Variants in DPF3 observed in about 807,000 individuals in gnomAD.
The protein encoded by DPF3 is zinc finger protein DPF3.
In DPF3, 18 loss-of-function variants were observed where a neutral mutation model predicts 56.8. That is an observed-to-expected ratio of 0.32 (90% CI 0.22 to 0.47). DPF3 has a LOEUF of 0.47. DPF3 is among the 20% of genes least tolerant of loss of function. DPF3 has a pLI of 1.00. For synonymous variants in DPF3, 188 were observed against 180.2 expected, an observed-to-expected ratio of 1.04 and a Z score of -0.35; for missense variants, 403 against 488.8, an observed-to-expected ratio of 0.82 and a Z score of 1.65.
chr14:72,786,764 TTAA>T (rs1009347837), intron 1 of DPF3, among the ~76,000 whole-genome samples: 2 of 152,200 alleles, frequency 1.3e-5, no homozygotes, highest in African/African-American at 2.4e-5. Flanking sequence ...ATAAATACAG[TTAA>T]TAATAAGGAA....
At chr14:72,742,283 A>C (rs1890155230) in intron 3 of DPF3, among the ~76,000 whole-genome samples, 1 of 152,258 alleles carries the variant, frequency 6.6e-6, no homozygotes, top group South Asian at 2.1e-4. Context: ...GAAGGCATCC[A>C]TTCTCCCAGC....
At chr14:72,756,822 C>CAGAAAGAAAGAAAGAA (rs71109746) in intron 2 of DPF3, among the ~76,000 whole-genome samples, 24 of 70,060 alleles carry the variant, frequency 3.4e-4, no homozygotes, top group African/African-American at 6.8e-4. Context: ...GAAAGAAAGA[C>CAGAAAGAAAGAAAGAA]AGAAAGAAAG....
intron 8 of DPF3, among the ~76,000 whole-genome samples, chr14:72,633,363 T>G (rs572325035): frequency 1.4e-3 from 209 of 151,792 alleles, no homozygotes; most frequent in African/African-American, 4.7e-3. Flanking sequence ...GAAAAGGGAA[T>G]GAGGAAGTAT....
At chr14:72,846,941 A>C (rs1162036715) in intron 1 of DPF3, among the ~76,000 whole-genome samples, 1 of 152,114 alleles carries the variant, frequency 6.6e-6, no homozygotes, top group African/African-American at 2.4e-5. Flanking sequence ...TTTTCAAAAC[A>C]CCAGCCCCTT....
intron 5 of DPF3, among the ~76,000 whole-genome samples, chr14:72,722,387 G>A (rs1462432245): frequency 2.6e-5 from 4 of 152,202 alleles, no homozygotes; most frequent in South Asian, 2.1e-4. Context: ...AGTGTGTGCC[G>A]CGCTGGCCGA....
chr14:72,644,303 C>A (rs1885649015), intron 8 of DPF3, among the ~76,000 whole-genome samples: 1 of 152,226 alleles, frequency 6.6e-6, no homozygotes, highest in African/African-American at 2.4e-5. Flanking sequence ...CGGGTCTGCA[C>A]TCCTCCTGTA....
chr14:72,812,632 C>T (rs572321864), intron 1 of DPF3, among the ~76,000 whole-genome samples: 7 of 152,026 alleles, frequency 4.6e-5, no homozygotes, highest in East Asian at 3.9e-4. Flanking sequence ...ACGCTGGGCC[C>T]GGTGGGCAGG....
chr14:72,672,360 G>A (rs944093018), intron 8 of DPF3, among the ~76,000 whole-genome samples: 4 of 152,104 alleles, frequency 2.6e-5, no homozygotes, highest in African/African-American at 4.8e-5. Context: ...GGAGGGGAAG[G>A]AAGCTCTTCC....
intron 6 of DPF3, among the ~76,000 whole-genome samples, chr14:72,699,197 G>A (rs539914244): frequency 1.7e-4 from 26 of 152,046 alleles, no homozygotes; most frequent in Non-Finnish European, 3.5e-4. Context: ...AGAAACTGGT[G>A]GAAAAAGAGA....
chr14:72,671,044 G>A, intron 8 of DPF3: 1 of 1,514,782 alleles, frequency 6.6e-7, no homozygotes, highest in Non-Finnish European at 8.8e-7. Context: ...ATCTAAAGTT[G>A]CCTTTCATTA....
intron 2 of DPF3, among the ~76,000 whole-genome samples, chr14:72,756,869 AAAGG>A (rs1272768857): frequency 5.4e-4 from 52 of 95,688 alleles, no homozygotes; most frequent in African/African-American, 1.3e-3. Flanking sequence ...AGAAAGAAAG[AAAGG>A]AAGGAAAGAA....
chr14:72,628,710 A>G (rs1222875317), intron 9 of DPF3, among the ~76,000 whole-genome samples: 1 of 150,972 alleles, frequency 6.6e-6, no homozygotes, highest in African/African-American at 2.4e-5. Context: ...ACACAGAAAA[A>G]GAGACAGACA....
chr14:72,621,603 A>C (rs866609794), intron 9 of DPF3, among the ~76,000 whole-genome samples: 6 of 152,198 alleles, frequency 3.9e-5, no homozygotes, highest in Admixed American at 2.0e-4. Flanking sequence ...ATCAGATTGC[A>C]GTTTAGAAAG....
At chr14:72,648,650 C>T (rs1006107422) in intron 8 of DPF3, among the ~76,000 whole-genome samples, 2 of 152,038 alleles carry the variant, frequency 1.3e-5, no homozygotes, top group African/African-American at 2.4e-5. Flanking sequence ...TGTATCCCTA[C>T]GCTTGTCTCC....
chr14:72,737,041 G>T (rs1252801760), intron 3 of DPF3, among the ~76,000 whole-genome samples: 1 of 151,784 alleles, frequency 6.6e-6, no homozygotes, highest in Non-Finnish European at 1.5e-5. Flanking sequence ...TACTCCTTGG[G>T]TGACTTCCAG....
At chr14:72,799,706 G>A (rs1041295099) in intron 1 of DPF3, among the ~76,000 whole-genome samples, 1 of 152,094 alleles carries the variant, frequency 6.6e-6, no homozygotes, top group Non-Finnish European at 1.5e-5. Flanking sequence ...ATCAGTTCAA[G>A]GGTGAAAATG....
chr14:72,627,494 T>C (rs1884903270), intron 9 of DPF3, among the ~76,000 whole-genome samples: 1 of 152,110 alleles, frequency 6.6e-6, no homozygotes, highest in African/African-American at 2.4e-5. Flanking sequence ...CTTTCTATTC[T>C]ATCTCAGCTG....
intron 6 of DPF3, among the ~76,000 whole-genome samples, chr14:72,697,786 G>A (rs74737505): frequency 2.0e-5 from 3 of 152,158 alleles, no homozygotes; most frequent in Non-Finnish European, 4.4e-5. Flanking sequence ...AATGGGGTGG[G>A]AGAGGGGTTA....
intron 1 of DPF3, among the ~76,000 whole-genome samples, chr14:72,814,590 G>T (rs556220668): frequency 6.6e-6 from 1 of 152,104 alleles, no homozygotes; most frequent in Non-Finnish European, 1.5e-5. Flanking sequence ...TGAAGCAGAC[G>T]GATCTCTTGA....
Sources: gnomAD v4.1 joint callset for allele counts (sites outside exome capture counted in the v4.1 genomes callset) on GRCh38, gnomAD v4.1.1 for gene constraint, MANE v1.5 for transcripts, NCBI Gene and HGNC (gene_info 2026-07-23, HGNC 2026-07-21) for gene names.